The following MAGI2 variants were observed in gnomAD, a reference collection of about 807,000 sequenced individuals.
The protein encoded by MAGI2 is membrane associated guanylate kinase, WW and PDZ domain containing 2, also known as membrane-associated guanylate kinase, WW and PDZ domain-containing protein 2.
In MAGI2, 35 loss-of-function variants were observed where a neutral mutation model predicts 133.3. The ratio of observed to expected loss-of-function variants is 0.26; its 90% CI spans 0.20 to 0.35. The LOEUF is 0.35. MAGI2 is among the 10% of genes least tolerant of loss of function. MAGI2 has a pLI of 1.00. For synonymous variants in MAGI2, 729 were observed against 710.6 expected (o/e 1.03, Z -0.41); for missense variants, 1,636 against 1,863.4 (o/e 0.88, Z 2.25).
At chr7:79,331,737 G>C (rs1840084744) in intron 1 of MAGI2, among the ~76,000 whole-genome samples, 1 of 152,058 alleles carries the variant, frequency 6.6e-6, no homozygotes, top group African/African-American at 2.4e-5. Context: ...GTTTTCTTCA[G>C]TATTCTCCTT....
At chr7:79,082,983 G>A (rs903681694) in intron 1 of MAGI2, among the ~76,000 whole-genome samples, 4 of 151,062 alleles carry the variant, frequency 2.6e-5, no homozygotes, top group African/African-American at 9.7e-5. Flanking sequence ...TTTTTCAATT[G>A]TTCATTGATT....
chr7:79,020,637 G>C (rs1359996054), intron 1 of MAGI2, among the ~76,000 whole-genome samples: 6 of 151,986 alleles, frequency 3.9e-5, no homozygotes, highest in Non-Finnish European at 7.4e-5. Context: ...ATGGTGGCGG[G>C]CTCCTGTAGT....
chr7:78,219,975 A>T (rs1187885292), intron 10 of MAGI2, among the ~76,000 whole-genome samples: 1 of 152,114 alleles, frequency 6.6e-6, no homozygotes, highest in Non-Finnish European at 1.5e-5. Context: ...CACAAATTTG[A>T]GCATAGTACT....
At chr7:79,209,688 A>G (rs895068125) in intron 1 of MAGI2, among the ~76,000 whole-genome samples, 1 of 151,984 alleles carries the variant, frequency 6.6e-6, no homozygotes, top group African/African-American at 2.4e-5. Flanking sequence ...AGGACAATTA[A>G]TCACTCTCTT....
chr7:79,443,288 G>A (rs768023610), intron 1 of MAGI2, among the ~76,000 whole-genome samples: 15,273 of 101,692 alleles, frequency 0.15, 779 homozygotes, highest in African/African-American at 0.16. Flanking sequence ...GTGTGTGCGT[G>A]TGTGTGTGTG....
At chr7:78,531,209 A>T (rs1797439252) in intron 3 of MAGI2, among the ~76,000 whole-genome samples, 1 of 149,872 alleles carries the variant, frequency 6.7e-6, no homozygotes, top group South Asian at 2.1e-4. Flanking sequence ...TGTAATTATT[A>T]ATTAAGTTTT....
At chr7:78,764,474 A>G (rs1351755944) in intron 2 of MAGI2, among the ~76,000 whole-genome samples, 1 of 152,234 alleles carries the variant, frequency 6.6e-6, no homozygotes, top group Non-Finnish European at 1.5e-5. Context: ...TTTGCCTTTT[A>G]TACTTAGGAA....
chr7:78,215,494 CA>C (rs1017623641), intron 10 of MAGI2, among the ~76,000 whole-genome samples: 2 of 152,146 alleles, frequency 1.3e-5, no homozygotes, highest in African/African-American at 2.4e-5. Context: ...TTGATGAAAA[CA>C]GGCAAACCAT....
At chr7:79,020,715 G>A (rs1242583610) in intron 1 of MAGI2, among the ~76,000 whole-genome samples, 3 of 148,838 alleles carry the variant, frequency 2.0e-5, no homozygotes, top group African/African-American at 5.0e-5. Flanking sequence ...GAAGTGAGCC[G>A]AGATTGCATC....
At chr7:78,513,918 A>T (rs934519381) in intron 4 of MAGI2, among the ~76,000 whole-genome samples, 1 of 151,850 alleles carries the variant, frequency 6.6e-6, no homozygotes, top group African/African-American at 2.4e-5. Context: ...GTGAAACCCC[A>T]TCTCTACTAA....
chr7:78,593,403 A>G (rs185704733), intron 3 of MAGI2, among the ~76,000 whole-genome samples: 1 of 152,238 alleles, frequency 6.6e-6, no homozygotes. Context: ...AAAAAAAGCA[A>G]TTAGAAACTA....
chr7:79,185,559 A>T (rs868581301), intron 1 of MAGI2, among the ~76,000 whole-genome samples: 2 of 145,586 alleles, frequency 1.4e-5, no homozygotes, highest in African/African-American at 5.1e-5. Flanking sequence ...TGTCTATTAC[A>T]TAGCAGGTAT....
intron 16 of MAGI2, among the ~76,000 whole-genome samples, chr7:78,141,602 A>T (rs533903814): frequency 6.6e-6 from 1 of 152,334 alleles, no homozygotes; most frequent in African/African-American, 2.4e-5. Flanking sequence ...TTAGCTTTCC[A>T]AAGATGAAAA....
intron 1 of MAGI2, among the ~76,000 whole-genome samples, chr7:79,112,303 A>G (rs1400306256): frequency 2.0e-5 from 3 of 152,090 alleles, no homozygotes; most frequent in African/African-American, 7.2e-5. Context: ...GCAAATATAT[A>G]TATTCAACCA....
chr7:79,343,581 T>C (rs1841073549), intron 1 of MAGI2, among the ~76,000 whole-genome samples: 1 of 151,552 alleles, frequency 6.6e-6, no homozygotes, highest in African/African-American at 2.4e-5. Context: ...CCAAATTGGC[T>C]AATTATTATT....
At chr7:79,322,701 G>A (rs1237288412) in intron 1 of MAGI2, among the ~76,000 whole-genome samples, 2 of 151,338 alleles carry the variant, frequency 1.3e-5, no homozygotes, top group East Asian at 2.0e-4. Flanking sequence ...CATGAGAATC[G>A]CTTGAACCCG....
At chr7:78,546,325 C>A (rs1798832787) in intron 3 of MAGI2, among the ~76,000 whole-genome samples, 1 of 152,096 alleles carries the variant, frequency 6.6e-6, no homozygotes, top group South Asian at 2.1e-4. Context: ...GGCATTCCTA[C>A]TTGCAGCACA....
At chr7:78,687,066 G>T (rs1816400620) in intron 2 of MAGI2, among the ~76,000 whole-genome samples, 1 of 152,118 alleles carries the variant, frequency 6.6e-6, no homozygotes, top group African/African-American at 2.4e-5. Context: ...AGTAAATACT[G>T]AATCCTCCCC....
chr7:79,256,050 T>C lies in MAGI2; in HGVS notation c.301+196970A>G, dbSNP rs1175280508. ...CTTATCTAGAAGGCACATTGTACAA[T>C]TGCAGAATGTTGAAAAGGGTCATAT... On this transcript the variant is annotated intron_variant, in intron 1 of 21. Coordinates refer to ENST00000354212, the MANE Select transcript of MAGI2 (RefSeq NM_012301.4). Among the ~76,000 whole-genome samples, 4 of 152,238 alleles carry C rather than the reference T, an allele frequency of 2.6e-5. No individual in the cohort carries two copies. The East Asian group carries it at 5.8e-4, about 22-fold the overall frequency.
Sources: gnomAD v4.1 joint callset for allele counts (sites outside exome capture counted in the v4.1 genomes callset) on GRCh38, gnomAD v4.1.1 for gene constraint, MANE v1.5 for transcripts, NCBI Gene and HGNC (gene_info 2026-07-23, HGNC 2026-07-21) for gene names.